The following THBS1 variants were observed in gnomAD, a reference collection of about 807,000 sequenced individuals.
THBS1 encodes the protein thrombospondin 1.
In THBS1, 29 loss-of-function variants were observed where a neutral mutation model predicts 126.1. The observed-to-expected ratio is 0.23, with a 90% CI of 0.17 to 0.31. THBS1 has a LOEUF of 0.31. THBS1 is among the 10% of genes least tolerant of loss of function. The pLI, the probability that THBS1 is intolerant of heterozygous loss-of-function variation, is 1.00. For synonymous variants in THBS1, 496 were observed against 577.8 expected, an observed-to-expected ratio of 0.86 and a Z score of 2.03; for missense variants, 1,198 against 1,545.2, an observed-to-expected ratio of 0.78 and a Z score of 3.77.
In THBS1 at chr15:39,588,473, G is replaced by A. The variant is rs55924981; in HGVS notation, c.1472-53G>A. 1.7e-3 allele frequency: 2,510 copies of A among 1,516,778 alleles called. 6 individuals are homozygous for A. The highest frequency in any genetic ancestry group is 2.0e-3 in the Non-Finnish European group (2,307 of 1,132,802). 94.0% of individuals were successfully genotyped at this position (1,516,778 alleles called of 1,614,324 possible). Reference sequence around the variant, plus strand: ...CGGGCTTAGGAGAGTCTATGACAAGGGAGGGATTTGAAAGTTGATCTTAAT... The same window carrying A: ...CGGGCTTAGGAGAGTCTATGACAAGAGAGGGATTTGAAAGTTGATCTTAAT... On this transcript the variant is annotated intron_variant, in intron 9 of 21. Transcript: ENST00000260356.
At chr15:39,583,773 T>A in intron 4 of THBS1, 81 bp downstream of exon 4, 1 of 1,459,150 alleles carries the variant, frequency 6.9e-7, no homozygotes, top group Non-Finnish European at 9.5e-7. Flanking sequence ...TTAGCAATAG[T>A]GGTTATACAT....
chr15:39,590,234 A>G (rs879679875), intron 13 of THBS1, among the ~76,000 whole-genome samples: 6 of 152,222 alleles, frequency 3.9e-5, no homozygotes, highest in Non-Finnish European at 8.8e-5. Context: ...TGTGTTCCAT[A>G]GTCAACTCTT....
At chr15:39,582,171 T>C in intron 2 of THBS1, 22 bp from the exon 3 acceptor site, 1 of 1,564,704 alleles carries the variant, frequency 6.4e-7, no homozygotes, top group Non-Finnish European at 8.7e-7. Context: ...AAGCTCACTT[T>C]GTGTTCTCTC....
chr15:39,592,974 C>A lies in THBS1; in HGVS notation c.2768-26C>A. ...ATAATAATAGCACTTTAGAATTTTG[C>A]TGAACTCTTGCTTTTTTGACCTCAG... On this transcript the variant is annotated intron_variant, in intron 17 of 21. Transcript: ENST00000260356. The surrounding 1 kb of genome is among the most constrained non-coding windows in gnomAD (Gnocchi z 4.3). 6.2e-7 allele frequency: 1 copy of A among 1,609,630 alleles called. No homozygotes were observed. The highest frequency in any genetic ancestry group is 8.5e-7 in the Non-Finnish European group (1 of 1,178,352).
chr15:39,581,808 C>T (rs1270030684), intron 1 of THBS1, 21 bp from the exon 2 acceptor site: 4 of 1,547,872 alleles, frequency 2.6e-6, no homozygotes, highest in Non-Finnish European at 3.6e-6. Flanking sequence ...TGACCCTCGG[C>T]TCTTGTGCTT....
rs557643478 is a variant in THBS1, at chr15:39,587,573, G to A, written c.1294+53G>A. 5.4e-5 allele frequency: 83 copies of A among 1,530,022 alleles called. No individual in the cohort carries two copies. The South Asian group carries it at 6.1e-4, about 11-fold the overall frequency. 94.8% of individuals were successfully genotyped at this position (1,530,022 alleles called of 1,614,324 possible). A position where few individuals can be genotyped will look rare whatever the true frequency, so the allele number is the denominator to read the frequency against. On this transcript the variant is annotated intron_variant, in intron 8 of 21. Transcript: ENST00000260356. ...GGAGAACTGACCTGTCCTTGTTGTC[G>A]TCACCAAGGGCAGCTCCACAGCATG... is the stretch of plus-strand genomic sequence containing the variant.
In THBS1 at chr15:39,589,840, C is replaced by T. The variant is rs1890291591; in HGVS notation, c.1962C>T (p.Thr654=). The change falls in exon 13 of 22, where the codon ACC becomes ACT. Residue 654 remains threonine, a synonymous_variant. Transcript: ENST00000260356. The surrounding 1 kb of genome is among the most constrained non-coding windows in gnomAD (Gnocchi z 4.7). ...CCCGTAACCCCTGCACGGATGGGACCCACGACTGCAACAAGAACGCCAAGT... is the reference window on the plus strand; with the variant it reads ...CCCGTAACCCCTGCACGGATGGGACTCACGACTGCAACAAGAACGCCAAGT... The part of the protein sequence containing the change: ...CKPRNPCTDG[T]HDCNKNAKCN... 6.2e-7 allele frequency: 1 copy of T among 1,613,946 alleles called. No homozygotes were observed. The highest frequency in any genetic ancestry group is 1.1e-5 in the South Asian group (1 of 91,056).
intron 3 of THBS1, 139 bp downstream of exon 3, chr15:39,582,891 G>A: frequency 2.1e-6 from 2 of 963,366 alleles, no homozygotes; most frequent in Non-Finnish European, 3.0e-6. Flanking sequence ...CACCTGGAGG[G>A]CTTGTGAAAG....
Position 39,594,258 on chromosome 15 carries a change from AT to A in THBS1, c.3366-41del. On this transcript the variant is annotated intron_variant, in intron 20 of 21. Transcript: ENST00000260356. This position sits in a 1 kb window ranked among gnomAD's most constrained non-coding sequence, Gnocchi z 4.4. ...ACTGAGGGACAAAAAGACAAAAAGT[AT>A]TAAATAGCATTGTCACTAAACAAGA... 1 of 1,614,018 alleles carries A rather than the reference AT, an allele frequency of 6.2e-7. No individual in the cohort carries two copies. The highest frequency in any genetic ancestry group is 1.1e-5 in the South Asian group (1 of 91,044).
Position 39,597,555 on chromosome 15 carries a change from TAC to T in THBS1, c.*2188_*2189del, listed in dbSNP as rs1196350019. The T allele has an allele frequency of 2.0e-5, 3 of 152,194 alleles. No individual in the cohort carries two copies. Among genetic ancestry groups the T allele is most frequent in the Non-Finnish European group, 4.4e-5 (3 of 68,042 alleles). 9.4% of individuals were successfully genotyped at this position (152,194 alleles called of 1,614,324 possible). The stretch of plus-strand genomic sequence containing the variant: ...ACCATTCATAAATCAATATAGCATA[TAC>T]AAAAATAAATTACAGTAAGTCATAG... On this transcript the variant is annotated 3_prime_UTR_variant, in exon 22 of 22. Coordinates refer to ENST00000260356, the MANE Select transcript of THBS1 (RefSeq NM_003246.4).
In THBS1 at chr15:39,591,292, G is replaced by A; in HGVS notation, c.2355G>A (p.Gln785=). The change falls in exon 15 of 22, where the codon CAG becomes CAA. Residue 785 remains glutamine (Q), a synonymous_variant. Coordinates refer to ENST00000260356, the MANE Select transcript of THBS1 (RefSeq NM_003246.4). ...GTCCCTACAACCACAACCCAGATCA[G>A]GCAGACACAGACAACAATGGGGAAG... ...DNCPYNHNPD[Q]ADTDNNGEGD... 6.2e-7 allele frequency: 1 copy of A among 1,614,166 alleles called. No homozygotes were observed. The highest frequency in any genetic ancestry group is 8.5e-7 in the Non-Finnish European group (1 of 1,180,032).
In THBS1 at chr15:39,589,283, C is replaced by T. The variant is rs1463620546; in HGVS notation, c.1855C>T (p.Pro619Ser). ...ENTDPGYNCL[P>S]CPPRFTGSQP... Reference sequence around the variant, plus strand: ...CACGGACCCCGGCTACAACTGCCTGCCCTGCCCCCCACGCTTCACCGGCTC... The same window carrying T: ...CACGGACCCCGGCTACAACTGCCTGTCCTGCCCCCCACGCTTCACCGGCTC... Residue 619 changes from proline (P) to serine (S), a missense_variant, in exon 12 of 22, where the codon CCC becomes TCC. Pro to Ser is a moderately conservative substitution (Grantham distance 74, BLOSUM62 -1). This residue lies in a region of THBS1 where 663 missense variants were observed against 860.1 expected (regional missense o/e 0.77). Transcript: ENST00000260356. This position sits in a 1 kb window ranked among gnomAD's most constrained non-coding sequence, Gnocchi z 4.7. 6.2e-7 allele frequency: 1 copy of T among 1,614,158 alleles called. No homozygotes were observed. Among genetic ancestry groups the T allele is most frequent in the Admixed American group, 1.7e-5 (1 of 60,018 alleles).
rs1890342434 is a variant in THBS1 at position 39,592,314 on chromosome 15, T to G, written c.2533-254T>G. ...AAATATCACTCTATTTGACCTTATT[T>G]AGAAAGTTTTATATGTAAAACATTT... On this transcript the variant is annotated intron_variant, in intron 16 of 21. Transcript: ENST00000260356. The surrounding 1 kb of genome is among the most constrained non-coding windows in gnomAD (Gnocchi z 4.3). Among the ~76,000 whole-genome samples, 1 of 152,262 alleles carries G rather than the reference T, an allele frequency of 6.6e-6. No individual in the cohort carries two copies. Among genetic ancestry groups the G allele is most frequent in the Admixed American group, 6.5e-5 (1 of 15,294 alleles).
At chr15:39,587,215 C>A in intron 7 of THBS1, 132 bp from the exon 8 acceptor site, 2 of 804,852 alleles carry the variant, frequency 2.5e-6, no homozygotes, top group South Asian at 2.3e-5. Flanking sequence ...TCAATTATAC[C>A]TCAGTAAAGC....
chr15:39,592,434 A>C lies in THBS1; in HGVS notation c.2533-134A>C, dbSNP rs1273158015. On this transcript the variant is annotated intron_variant, in intron 16 of 21. Coordinates refer to ENST00000260356, the MANE Select transcript of THBS1 (RefSeq NM_003246.4). This position sits in a 1 kb window ranked among gnomAD's most constrained non-coding sequence, Gnocchi z 4.3. ...GCTACTATTGCTATCTTTCTGCAGG[A>C]GTGTGTAAATAGACATGACACCCCA... 1.6e-6 allele frequency: 1 copy of C among 636,596 alleles called. No individual in the cohort carries two copies. The allele number at this position is 636,596 out of a possible 1,614,324, so 39.4% of individuals were successfully genotyped here. A position where few individuals can be genotyped will look rare whatever the true frequency, so the allele number is the denominator to read the frequency against.
chr15:39,582,666 GTCCCCA>G lies in THBS1; in HGVS notation c.545_550del (p.Pro182_Ile183del). ...AAAGATGGAGAATGCTGAGTTGGAC[GTCCCCA>G]TCCAAAGCGTCTTCACCAGAGACCT... On this transcript the variant is annotated inframe_deletion, in exon 3 of 22. Transcript: ENST00000260356. 1 of 1,613,656 alleles carries G rather than the reference GTCCCCA, an allele frequency of 6.2e-7. No homozygotes were observed.
chr15:39,590,190 A>G (rs1890300184), intron 13 of THBS1, among the ~76,000 whole-genome samples, 167 bp downstream of exon 13: 1 of 152,218 alleles, frequency 6.6e-6, no homozygotes, highest in South Asian at 2.1e-4. Context: ...CTTGGTGCCA[A>G]AAACATGAAC....
chr15:39,581,626 T>C, intron 1 of THBS1: 5 of 452,622 alleles, frequency 1.1e-5, no homozygotes. Flanking sequence ...AAAACCAGCA[T>C]CTCTTTCCTC....
In THBS1 at chr15:39,581,941, C is replaced by T; in HGVS notation, c.67+17C>T. On this transcript the variant is annotated intron_variant, in intron 2 of 21. Coordinates refer to ENST00000260356, the MANE Select transcript of THBS1 (RefSeq NM_003246.4). Reference sequence around the variant, plus strand: ...GCATTCCAGGTGAGTTTGTGTGGCACCTTTAGGGGAAGGAGGGACAAGGAA... The same window carrying T: ...GCATTCCAGGTGAGTTTGTGTGGCATCTTTAGGGGAAGGAGGGACAAGGAA... The T allele has an allele frequency of 6.2e-7, 1 of 1,613,888 alleles. No homozygotes were observed. The highest frequency in any genetic ancestry group is 1.1e-5 in the South Asian group (1 of 91,066).
Sources: gnomAD v4.1 joint callset for allele counts (sites outside exome capture counted in the v4.1 genomes callset) on GRCh38, gnomAD v4.1.1 for gene constraint, gnomAD v4.1.1 regional missense constraint, Gnocchi (gnomAD v3.1) non-coding constraint, MANE v1.5 for transcripts, NCBI Gene and HGNC (gene_info 2026-07-23, HGNC 2026-07-21) for gene names.